Variants in NEGR1 observed in about 807,000 individuals in gnomAD.
NEGR1 encodes IgLON family member 4.
Under a neutral mutation model 40.9 loss-of-function variants are expected in NEGR1, and 10 were observed. The observed-to-expected ratio is 0.24, with a 90% CI of 0.15 to 0.42. The LOEUF (loss-of-function observed/expected upper bound fraction) is 0.42. Among genes scored for constraint, NEGR1 ranks in the 10% least tolerant of loss-of-function variants. The pLI, the probability that NEGR1 is intolerant of heterozygous loss-of-function variation, is 1.00. For synonymous variants in NEGR1, 185 were observed against 166.8 expected (o/e 1.11, Z -0.84); for missense variants, 352 against 438.9 (o/e 0.80, Z 1.77).
chr1:71,716,364 A>C (rs1385884801), intron 3 of NEGR1, among the ~76,000 whole-genome samples: 4 of 152,106 alleles, frequency 2.6e-5, no homozygotes, highest in Non-Finnish European at 5.9e-5. Flanking sequence ...CAAATGTAAA[A>C]ATATGTAGAA....
chr1:72,136,785 G>A (rs759472740), intron 1 of NEGR1, among the ~76,000 whole-genome samples: 1 of 151,776 alleles, frequency 6.6e-6, no homozygotes, highest in Non-Finnish European at 1.5e-5. Context: ...CACAGCAAAA[G>A]AAACTATCAG....
chr1:71,752,553 A>C (rs1387099960), intron 3 of NEGR1, among the ~76,000 whole-genome samples: 2 of 152,166 alleles, frequency 1.3e-5, no homozygotes, highest in Admixed American at 6.5e-5. Context: ...AGTGTATGCT[A>C]TGTTTTCCTC....
At chr1:71,791,541 TAA>T (rs977858377) in intron 2 of NEGR1, among the ~76,000 whole-genome samples, 1 of 152,062 alleles carries the variant, frequency 6.6e-6, no homozygotes, top group Admixed American at 6.6e-5. Flanking sequence ...TACCTATATA[TAA>T]GATACATTTA....
chr1:71,965,496 A>G (rs1307377436), intron 1 of NEGR1, among the ~76,000 whole-genome samples: 1 of 152,178 alleles, frequency 6.6e-6, no homozygotes, highest in Non-Finnish European at 1.5e-5. Flanking sequence ...GGCCCTATCA[A>G]TATGCATTCT....
chr1:71,782,200 C>T (rs527281039), intron 2 of NEGR1, among the ~76,000 whole-genome samples: 9 of 152,146 alleles, frequency 5.9e-5, no homozygotes, highest in South Asian at 4.2e-4. Flanking sequence ...ATAAAATAGA[C>T]CCCACGAGCT....
intron 1 of NEGR1, among the ~76,000 whole-genome samples, chr1:72,144,120 T>G (rs1423051040): frequency 1.3e-5 from 2 of 150,814 alleles, no homozygotes; most frequent in East Asian, 1.9e-4. Context: ...TGAATAAGAT[T>G]CCAGAAAACA....
At chr1:71,819,197 C>T (rs948656190) in intron 2 of NEGR1, among the ~76,000 whole-genome samples, 1 of 151,930 alleles carries the variant, frequency 6.6e-6, no homozygotes, top group African/African-American at 2.4e-5. Flanking sequence ...CAACAAGCCC[C>T]ACCATATGCA....
At chr1:71,992,854 A>T (rs1557473193) in intron 1 of NEGR1, among the ~76,000 whole-genome samples, 2 of 152,302 alleles carry the variant, frequency 1.3e-5, no homozygotes, top group South Asian at 4.1e-4. Flanking sequence ...TTGAATACCA[A>T]AAACAATGAC....
chr1:71,567,559 G>A (rs1648657508), intron 6 of NEGR1, among the ~76,000 whole-genome samples: 2 of 152,060 alleles, frequency 1.3e-5, no homozygotes, highest in Admixed American at 1.3e-4. Flanking sequence ...CAGGTAAACT[G>A]TGCCTTTGCT....
chr1:71,664,181 C>T (rs969971275), intron 4 of NEGR1, among the ~76,000 whole-genome samples: 1 of 152,134 alleles, frequency 6.6e-6, no homozygotes, highest in African/African-American at 2.4e-5. Context: ...TGCATCTGTA[C>T]CACAAGCTCA....
chr1:71,509,249 C>G (rs540225131), intron 6 of NEGR1, among the ~76,000 whole-genome samples: 2 of 152,318 alleles, frequency 1.3e-5, no homozygotes, highest in Non-Finnish European at 2.9e-5. Context: ...CATATTGGCT[C>G]TATACCAGGA....
chr1:71,910,205 G>A (rs992784634), intron 2 of NEGR1, among the ~76,000 whole-genome samples: 3 of 152,132 alleles, frequency 2.0e-5, no homozygotes, highest in African/African-American at 2.4e-5. Context: ...AGATGTTGGC[G>A]ATAAACTTTG....
intron 6 of NEGR1, among the ~76,000 whole-genome samples, chr1:71,502,172 G>T (rs1647004187): frequency 6.6e-6 from 1 of 152,110 alleles, no homozygotes; most frequent in East Asian, 1.9e-4. Flanking sequence ...CACCCAGAAG[G>T]TCACGAAAAG....
At chr1:71,487,979 C>G in intron 6 of NEGR1, 1 of 151,602 alleles carries the variant, frequency 6.6e-6, no homozygotes, top group Admixed American at 6.6e-5. Context: ...GATGTTTTTT[C>G]TTGTGCTGTA....
intron 4 of NEGR1, among the ~76,000 whole-genome samples, chr1:71,652,932 T>C (rs1651765769): frequency 6.6e-6 from 1 of 152,100 alleles, no homozygotes; most frequent in Non-Finnish European, 1.5e-5. Context: ...GTCTTATTGT[T>C]GGTAAATTAT....
intron 1 of NEGR1, among the ~76,000 whole-genome samples, chr1:72,213,229 G>A (rs556167507): frequency 1.3e-5 from 2 of 151,926 alleles, no homozygotes; most frequent in African/African-American, 4.8e-5. Context: ...AATGCAAGGT[G>A]TAATCCGCAG....
chr1:71,774,366 A>T (rs1656430451), intron 3 of NEGR1, among the ~76,000 whole-genome samples: 2 of 152,192 alleles, frequency 1.3e-5, no homozygotes. Context: ...GGTTCTAGAG[A>T]GTGAAGAGTT....
chr1:71,905,123 T>G (rs949871539), intron 2 of NEGR1, among the ~76,000 whole-genome samples: 1 of 152,076 alleles, frequency 6.6e-6, no homozygotes, highest in African/African-American at 2.4e-5. Flanking sequence ...CAATCCACTG[T>G]TTTGGTTGAG....
chr1:71,727,587 GAAAGAA>G (rs1476294350), intron 3 of NEGR1, among the ~76,000 whole-genome samples: 1 of 152,076 alleles, frequency 6.6e-6, no homozygotes, highest in Non-Finnish European at 1.5e-5. Context: ...ACAAATACAA[GAAAGAA>G]CAGAGTCCAT....
Sources: gnomAD v4.1 joint callset for allele counts (sites outside exome capture counted in the v4.1 genomes callset) on GRCh38, gnomAD v4.1.1 for gene constraint, MANE v1.5 for transcripts, NCBI Gene and HGNC (gene_info 2026-07-23, HGNC 2026-07-21) for gene names.